The following TSPAN9 variants were observed in gnomAD, a reference collection of about 807,000 sequenced individuals.
TSPAN9 encodes tetraspanin-9.
Under a neutral mutation model 31.0 loss-of-function variants are expected in TSPAN9, and 16 were observed. That is an observed-to-expected ratio of 0.52 (90% CI 0.35 to 0.78). TSPAN9 has a LOEUF of 0.78. Ranked by LOEUF, TSPAN9 falls within the 30% of genes least tolerant of loss-of-function variation. The pLI is 0.01. For synonymous variants in TSPAN9, 145 were observed against 121.6 expected (o/e 1.19, Z -1.27); for missense variants, 272 against 312.5 (o/e 0.87, Z 0.98).
intron 3 of TSPAN9, among the ~76,000 whole-genome samples, chr12:3,225,231 G>A (rs1315642385): frequency 2.0e-5 from 3 of 152,092 alleles, no homozygotes; most frequent in African/African-American, 7.2e-5. Flanking sequence ...GACCCACAGC[G>A]CACAGAGGTG....
At chr12:3,247,470 G>A (rs1439384442) in intron 3 of TSPAN9, among the ~76,000 whole-genome samples, 2 of 152,098 alleles carry the variant, frequency 1.3e-5, no homozygotes, top group Non-Finnish European at 2.9e-5. Flanking sequence ...TGCCGAGAGA[G>A]CGTCAGTTCA....
intron 3 of TSPAN9, among the ~76,000 whole-genome samples, chr12:3,233,626 C>T (rs2098391909): frequency 6.6e-6 from 1 of 152,164 alleles, no homozygotes; most frequent in African/African-American, 2.4e-5. Context: ...GTAGTTCATT[C>T]ATTTTCCCTG....
At chr12:3,179,487 C>T (rs1252715370) in intron 2 of TSPAN9, among the ~76,000 whole-genome samples, 5 of 152,074 alleles carry the variant, frequency 3.3e-5, no homozygotes, top group East Asian at 1.9e-4. Context: ...TGCGTGAGGG[C>T]GTGATGTTTT....
At chr12:3,221,850 C>T (rs1327305981) in intron 3 of TSPAN9, among the ~76,000 whole-genome samples, 1 of 152,170 alleles carries the variant, frequency 6.6e-6, no homozygotes, top group African/African-American at 2.4e-5. Context: ...GAGATAGGGT[C>T]TCCCTGTGTT....
chr12:3,253,741 C>CTGG (rs1042306948), intron 3 of TSPAN9, among the ~76,000 whole-genome samples: 2 of 152,158 alleles, frequency 1.3e-5, no homozygotes, highest in African/African-American at 4.8e-5. Context: ...GGGTGGGAGG[C>CTGG]TGGTGGTGGT....
chr12:3,201,297 T>A, intron 3 of TSPAN9, 41 bp downstream of exon 3: 1 of 1,584,356 alleles, frequency 6.3e-7, no homozygotes, highest in Admixed American at 1.7e-5. Flanking sequence ...CCTCTTCTCC[T>A]CCTCTTGGCT....
intron 3 of TSPAN9, among the ~76,000 whole-genome samples, chr12:3,223,940 T>G (rs545792723): frequency 2.0e-5 from 3 of 152,210 alleles, no homozygotes; most frequent in East Asian, 3.9e-4. Flanking sequence ...GTGTCATTGG[T>G]CTGAGGAGTG....
intron 2 of TSPAN9, among the ~76,000 whole-genome samples, chr12:3,199,432 T>C (rs530689393): frequency 8.5e-5 from 13 of 152,364 alleles, no homozygotes; most frequent in East Asian, 7.7e-4. Flanking sequence ...TGCAGACTTC[T>C]GCACTAGCCC....
intron 8 of TSPAN9, 101 bp downstream of exon 8, chr12:3,281,918 G>T: frequency 7.6e-7 from 1 of 1,319,246 alleles, no homozygotes; most frequent in Non-Finnish European, 1.1e-6. Flanking sequence ...CACGGCGGAG[G>T]GTCTGGAATT....
intron 2 of TSPAN9, among the ~76,000 whole-genome samples, chr12:3,119,373 T>C (rs1184297559): frequency 2.0e-5 from 3 of 152,188 alleles, no homozygotes; most frequent in Non-Finnish European, 4.4e-5. Context: ...AAAAGGGATG[T>C]AAACTCAAAT....
intron 2 of TSPAN9, among the ~76,000 whole-genome samples, chr12:3,104,198 G>A (rs1306437931): frequency 6.6e-6 from 1 of 152,140 alleles, no homozygotes; most frequent in Non-Finnish European, 1.5e-5. Flanking sequence ...GCCATCTTAG[G>A]GGCTTTAGCT....
chr12:3,133,929 AG>A (rs1239629308), intron 2 of TSPAN9, among the ~76,000 whole-genome samples: 1 of 152,176 alleles, frequency 6.6e-6, no homozygotes, highest in Non-Finnish European at 1.5e-5. Context: ...CTTTTGGTGA[AG>A]GTAAGTTATT....
intron 2 of TSPAN9, among the ~76,000 whole-genome samples, chr12:3,139,329 T>C (rs1565589725): frequency 6.6e-6 from 1 of 152,120 alleles, no homozygotes; most frequent in Non-Finnish European, 1.5e-5. Context: ...CCAGTTCTAA[T>C]TAGATTTCCC....
chr12:3,204,193 A>G (rs945140714), intron 3 of TSPAN9, among the ~76,000 whole-genome samples: 6 of 152,188 alleles, frequency 3.9e-5, no homozygotes, highest in Admixed American at 1.3e-4. Flanking sequence ...GCTGCGATCA[A>G]TAGATAGAAC....
chr12:3,171,300 C>T (rs1200465585), intron 2 of TSPAN9, among the ~76,000 whole-genome samples: 2 of 152,128 alleles, frequency 1.3e-5, no homozygotes, highest in East Asian at 3.9e-4. Flanking sequence ...GTTTGTTTTT[C>T]CTCCTGGTTT....
chr12:3,105,750 ACACACACG>A (rs1023047521), intron 2 of TSPAN9, among the ~76,000 whole-genome samples: 17 of 81,432 alleles, frequency 2.1e-4, no homozygotes, highest in African/African-American at 3.9e-4. Flanking sequence ...ACACACACTC[ACACACACG>A]CACACACGCG....
At chr12:3,250,927 G>C (rs1039568191) in intron 3 of TSPAN9, among the ~76,000 whole-genome samples, 2 of 152,224 alleles carry the variant, frequency 1.3e-5, no homozygotes, top group African/African-American at 2.4e-5. Flanking sequence ...GTGGCATATG[G>C]GGATGGCACT....
In TSPAN9 at chr12:3,280,958, G is replaced by C. The variant is rs1182878789; in HGVS notation, c.433-240G>C. The stretch of plus-strand genomic sequence containing the variant: ...AGGGCTGAGCCAAGGGGCCCAGCCC[G>C]AGGGGTGGGCTGCATTGCCCTCTCC... On this transcript the variant is annotated intron_variant, in intron 6 of 8. Coordinates refer to ENST00000011898, the MANE Select transcript of TSPAN9 (RefSeq NM_006675.5). This position sits in a 1 kb window ranked among gnomAD's most constrained non-coding sequence, Gnocchi z 4.5. Among the ~76,000 whole-genome samples the C allele has an allele frequency of 6.6e-6, 1 of 152,170 alleles. No individual in the cohort carries two copies. The highest frequency in any genetic ancestry group is 1.9e-4 in the East Asian group (1 of 5,176).
At chr12:3,153,833 G>T (rs1166667052) in intron 2 of TSPAN9, among the ~76,000 whole-genome samples, 3 of 142,000 alleles carry the variant, frequency 2.1e-5, no homozygotes, top group African/African-American at 8.1e-5. Context: ...TAATATGTTA[G>T]TATTATATAT....
Sources: allele counts gnomAD v4.1 joint callset (sites outside exome capture counted in the v4.1 genomes callset), GRCh38; gene constraint gnomAD v4.1.1; non-coding constraint Gnocchi (gnomAD v3.1); transcripts MANE v1.5; gene names NCBI Gene and HGNC (gene_info 2026-07-23, HGNC 2026-07-21).